CEP192: variants seen among roughly 807,000 people sequenced by gnomAD.
CEP192 encodes the protein centrosomal protein of 192 kDa.
A neutral mutation model predicts 271.8 loss-of-function variants in CEP192; 151 were observed. That is an observed-to-expected ratio of 0.56 (90% CI 0.49 to 0.64). The LOEUF (loss-of-function observed/expected upper bound fraction) is 0.64, where lower values mean the gene tolerates loss of function less well. CEP192 is among the 30% of genes least tolerant of loss of function. The probability of loss-of-function intolerance (pLI) is 0.00; values close to 1 mark genes in which losing one functional copy is unlikely to be tolerated. For missense variants in CEP192, 2,910 were observed against 3,020.5 expected, an observed-to-expected ratio of 0.96 and a Z score of 0.86; for synonymous variants, 995 against 1,076.5, an observed-to-expected ratio of 0.92 and a Z score of 1.48.
chr18:13,001,641 T>A (rs2033651694), intron 3 of CEP192, 59 bp downstream of exon 3: 1 of 1,421,696 alleles, frequency 7.0e-7, no homozygotes, highest in African/African-American at 1.4e-5. Context: ...CGCAGTCTTG[T>A]GGAAAATGAC....
chr18:13,072,847 T>C lies in CEP192; in HGVS notation c.5439+2T>C. The C allele has an allele frequency of 1.2e-6, 2 of 1,605,010 alleles. No homozygotes were observed. The highest frequency in any genetic ancestry group is 1.7e-6 in the Non-Finnish European group (2 of 1,171,684). ...GGACAAGATCAGGACTGCTTTCAGG[T>C]TCGTAGAGTACGTGGATTCTTGTTA... On this transcript the variant is annotated splice_donor_variant, in intron 29 of 44. Coordinates refer to ENST00000506447, the MANE Select transcript of CEP192 (RefSeq NM_032142.4). LOFTEE classifies it high-confidence loss of function.
chr18:13,101,894 C>T (rs962221632), intron 38 of CEP192, among the ~76,000 whole-genome samples: 1 of 152,172 alleles, frequency 6.6e-6, no homozygotes, highest in Non-Finnish European at 1.5e-5. Flanking sequence ...ACTCCTGAGT[C>T]TGTCCTTATA....
chr18:13,096,451 C>T (rs2039404168), intron 36 of CEP192, 144 bp downstream of exon 36: 8 of 1,063,388 alleles, frequency 7.5e-6, no homozygotes, highest in Admixed American at 2.8e-5. Context: ...CATGGTTCTG[C>T]AGGTCAGCTG....
chr18:13,103,085 G>C (rs1382830814), intron 38 of CEP192, among the ~76,000 whole-genome samples: 1 of 152,154 alleles, frequency 6.6e-6, no homozygotes, highest in Non-Finnish European at 1.5e-5. Context: ...TCAAAGTAGA[G>C]GCCACACATG....
At chr18:13,062,857 C>A (rs567887593) in intron 21 of CEP192, among the ~76,000 whole-genome samples, 1 of 152,288 alleles carries the variant, frequency 6.6e-6, no homozygotes, top group Admixed American at 6.5e-5. Context: ...TACCCATTAA[C>A]CATCCCCACC....
At chr18:13,118,517 C>G (rs774682240) in intron 44 of CEP192, among the ~76,000 whole-genome samples, 1 of 152,220 alleles carries the variant, frequency 6.6e-6, no homozygotes, top group Non-Finnish European at 1.5e-5. Flanking sequence ...CACACCACCT[C>G]TTCCTTCTCC....
chr18:13,072,395 G>A (rs1194526427), intron 28 of CEP192, among the ~76,000 whole-genome samples: 1 of 152,156 alleles, frequency 6.6e-6, no homozygotes, highest in Non-Finnish European at 1.5e-5. Flanking sequence ...GTTGAGCCAG[G>A]TATTCCAGGT....
intron 15 of CEP192, among the ~76,000 whole-genome samples, chr18:13,042,878 A>G (rs2036282373): frequency 6.6e-6 from 1 of 152,194 alleles, no homozygotes; most frequent in Admixed American, 6.5e-5. Flanking sequence ...CCACTGCTGG[A>G]CAATTATAAA....
intron 40 of CEP192, 47 bp downstream of exon 40, chr18:13,105,126 A>T (rs2039891008): frequency 7.6e-7 from 1 of 1,322,474 alleles, no homozygotes; most frequent in Non-Finnish European, 1.1e-6. Flanking sequence ...TAAATTGTCC[A>T]GGAGTGCCTC....
Position 13,001,510 on chromosome 18 carries a change from C to A in CEP192, c.218C>A (p.Ser73Tyr), listed in dbSNP as rs2033642350. Residue 73 changes from serine (S) to tyrosine (Y), a missense_variant, in exon 3 of 45, where the codon TCC becomes TAC. Transcript: ENST00000506447. ...GTAGAAGGGAGATTTTCAGTTCCAT[C>A]CGGGTCATCTCCCGGAAGCCAGAGT... ...YLVEGRFSVP[S>Y]GSSPGSQSDA... The A allele has an allele frequency of 2.6e-6, 4 of 1,550,208 alleles. No homozygotes were observed. Among genetic ancestry groups the A allele is most frequent in the Non-Finnish European group, 3.5e-6 (4 of 1,145,952 alleles).
At chr18:13,116,271 C>T (rs760804538) in intron 42 of CEP192, 106 bp from the exon 43 acceptor site, 1 of 1,063,386 alleles carries the variant, frequency 9.4e-7, no homozygotes, top group Non-Finnish European at 1.4e-6. Flanking sequence ...AATAAATCAC[C>T]AGGAAAACAT....
chr18:13,046,648 A>C (rs535463352), intron 15 of CEP192, among the ~76,000 whole-genome samples: 1 of 151,908 alleles, frequency 6.6e-6, no homozygotes, highest in African/African-American at 2.4e-5. Context: ...TTTTCTTTTA[A>C]ATGTCTTATT....
chr18:13,112,936 C>T (rs1251392463), intron 40 of CEP192, among the ~76,000 whole-genome samples: 1 of 152,214 alleles, frequency 6.6e-6, no homozygotes, highest in Non-Finnish European at 1.5e-5. Flanking sequence ...AAAGCTAAGG[C>T]TCTTAATATT....
Position 13,105,019 on chromosome 18 carries a change from C to G in CEP192, c.6987C>G (p.Thr2329=). The change falls in exon 40 of 45, where the codon ACC becomes ACG. Residue 2329 remains threonine (T), a synonymous_variant. Coordinates refer to ENST00000506447, the MANE Select transcript of CEP192 (RefSeq NM_032142.4). ...AAAGTGGAGATGTTTTTAGAGCTAC[C>G]TATGCAGCATTCAGATGTTCTCCTA... ...VDESGDVFRA[T]YAAFRCSPIS... 5 of 1,613,998 alleles carry G rather than the reference C, an allele frequency of 3.1e-6. No homozygotes were observed. The highest frequency in any genetic ancestry group is 4.2e-6 in the Non-Finnish European group (5 of 1,179,844).
chr18:13,000,091 C>CTCTCTTTTTTTTTTTTTTTT (rs1555698196), intron 2 of CEP192, among the ~76,000 whole-genome samples: 1 of 76,750 alleles, frequency 1.3e-5, no homozygotes. Context: ...TGTCTTCTCT[C>CTCTCTTTTTTTTTTTTTTTT]TTTTTTTTTT....
At chr18:13,042,910 A>G (rs2036284708) in intron 15 of CEP192, among the ~76,000 whole-genome samples, 1 of 152,226 alleles carries the variant, frequency 6.6e-6, no homozygotes, top group South Asian at 2.1e-4. Context: ...TGAACAGCCT[A>G]GTACCTGGGA....
chr18:13,111,268 G>A (rs1029028823), intron 40 of CEP192, among the ~76,000 whole-genome samples: 3 of 152,156 alleles, frequency 2.0e-5, no homozygotes, highest in Non-Finnish European at 4.4e-5. Context: ...GGGACTACAG[G>A]TGCCCACCAC....
chr18:13,087,363 A>G, intron 31 of CEP192, 86 bp downstream of exon 31: 2 of 1,201,664 alleles, frequency 1.7e-6, no homozygotes, highest in Non-Finnish European at 2.3e-6. Context: ...AAGCTAAAAT[A>G]ATACTTGAAA....
At chr18:12,992,779 G>A (rs1307854064) in intron 1 of CEP192, among the ~76,000 whole-genome samples, 1 of 152,156 alleles carries the variant, frequency 6.6e-6, no homozygotes, top group Non-Finnish European at 1.5e-5. Flanking sequence ...TAACACTATC[G>A]TAGTTGACAG....
Sources: allele counts gnomAD v4.1 joint callset (sites outside exome capture counted in the v4.1 genomes callset), GRCh38; gene constraint gnomAD v4.1.1; transcripts MANE v1.5; gene names NCBI Gene and HGNC (gene_info 2026-07-23, HGNC 2026-07-21).